Variants in USP26 observed in about 807,000 individuals in gnomAD.
The protein encoded by USP26 is ubiquitin specific peptidase 26, also known as ubiquitin carboxyl-terminal hydrolase 26.
For synonymous variants in USP26, 236 were observed against 240.6 expected, an observed-to-expected ratio of 0.98 and a Z score of 0.18; for missense variants, 649 against 642.3, an observed-to-expected ratio of 1.01 and a Z score of -0.11.
At chrX:133,081,718 C>T (rs1457141575) in intron 5 of USP26, among the ~76,000 whole-genome samples, 3 of 112,220 alleles carry the variant, frequency 2.7e-5, no homozygotes, top group African/African-American at 9.7e-5. Flanking sequence ...GTATTTAAAG[C>T]AACTGATACA....
intron 5 of USP26, among the ~76,000 whole-genome samples, chrX:133,047,012 A>C (rs905138675): frequency 8.9e-6 from 1 of 112,339 alleles, no homozygotes; most frequent in Non-Finnish European, 1.9e-5. Flanking sequence ...CAGAGCCAAG[A>C]AAACATGCTA....
intron 1 of USP26, among the ~76,000 whole-genome samples, chrX:133,095,639 C>G (rs959146735): frequency 1.8e-5 from 2 of 111,987 alleles, no homozygotes; most frequent in Non-Finnish European, 3.8e-5. Context: ...CTCGCTCTGT[C>G]GCCTAGGCTG....
intron 5 of USP26, among the ~76,000 whole-genome samples, chrX:133,042,875 C>T (rs915095717): frequency 9.0e-6 from 1 of 110,573 alleles, no homozygotes; most frequent in Non-Finnish European, 1.9e-5. Context: ...AGACCTGGAA[C>T]CAATTTTGAC....
intron 5 of USP26, among the ~76,000 whole-genome samples, chrX:133,049,524 C>T (rs779676123): frequency 8.9e-6 from 1 of 112,241 alleles, no homozygotes; most frequent in African/African-American, 3.2e-5. Context: ...ATCTTCTCAA[C>T]CTATAGATGC....
Position 133,026,055 on chromosome X carries a change from T to C in USP26, c.2166A>G (p.Glu722=), listed in dbSNP as rs1935801537. The change falls in exon 6 of 6, where the codon GAA becomes GAG. Residue 722 remains glutamate (E), a synonymous_variant. Transcript: ENST00000511190. ...RIINPTKDLY[E]DKNIRIPERF... is the part of the protein sequence containing the mutation. ...TTTCTGGAATTCTGATATTTTTATC[T>C]TCATACAAATCTTTAGTAGGATTGA... The C allele has an allele frequency of 8.3e-7, 1 of 1,209,792 alleles. No individual in the cohort carries two copies. The highest frequency in any genetic ancestry group is 1.1e-6 in the Non-Finnish European group (1 of 894,068).
Position 133,027,016 on chromosome X carries a change from T to G in USP26, c.1205A>C (p.Asn402Thr). 5 of 1,211,784 alleles carry G rather than the reference T, an allele frequency of 4.1e-6. No individual in the cohort carries two copies. The highest frequency in any genetic ancestry group is 2.3e-4 in the Middle Eastern group (1 of 4,356). ...DQLKDNMEKL[N>T]TIWKPKSEFG... Reference sequence around the variant, plus strand: ...TTCACTTTTAGGCTTCCAAATTGTGTTGAGTTTTTCCATGTTATCTTTCAG... The same window carrying G: ...TTCACTTTTAGGCTTCCAAATTGTGGTGAGTTTTTCCATGTTATCTTTCAG... The change falls in exon 6 of 6, where the codon AAC becomes ACC. Residue 402 changes from asparagine (N) to threonine (T), a missense_variant. Asn to Thr is a moderately conservative substitution (Grantham distance 65). Coordinates refer to ENST00000511190, the MANE Select transcript of USP26 (RefSeq NM_031907.3).
rs1479044155 is a variant in USP26 at position 133,091,429 on chromosome X, T to G, written c.-378A>C. 1 of 112,234 alleles carries G rather than the reference T, an allele frequency of 8.9e-6. No individual in the cohort carries two copies. Among genetic ancestry groups the G allele is most frequent in the African/African-American group, 3.2e-5 (1 of 30,880 alleles). 9.2% of individuals were successfully genotyped at this position (112,234 alleles called of 1,213,427 possible). On this transcript the variant is annotated 5_prime_UTR_variant, in exon 2 of 6. Transcript: ENST00000511190. ...TTCTACAATCCAGTCCAGTCCCTCC[T>G]GCTGCTGTCTCTTACTGGTTTTCCA...
intron 4 of USP26, among the ~76,000 whole-genome samples, chrX:133,086,326 G>A (rs966916543): frequency 9.0e-6 from 1 of 111,606 alleles, no homozygotes; most frequent in Non-Finnish European, 1.9e-5. Context: ...CCACCATCAC[G>A]GCTGGGAATG....
At chrX:133,037,025 G>A (rs768845987) in intron 5 of USP26, among the ~76,000 whole-genome samples, 1 of 111,837 alleles carries the variant, frequency 8.9e-6, no homozygotes, top group Non-Finnish European at 1.9e-5. Context: ...TGATGGGGTT[G>A]TTTTTTTCTT....
intron 5 of USP26, among the ~76,000 whole-genome samples, chrX:133,071,152 T>C (rs1488561210): frequency 9.0e-6 from 1 of 110,901 alleles, no homozygotes; most frequent in African/African-American, 3.3e-5. Context: ...AGGAGGCGGA[T>C]GTTGCAGTGA....
At chrX:133,037,804 C>T (rs749294741) in intron 5 of USP26, among the ~76,000 whole-genome samples, 1 of 111,893 alleles carries the variant, frequency 8.9e-6, no homozygotes, top group Non-Finnish European at 1.9e-5. Flanking sequence ...TATCCATGAA[C>T]ATGGAATTTT....
chrX:133,085,195 A>G (rs753109552), intron 4 of USP26, among the ~76,000 whole-genome samples: 86 of 112,045 alleles, frequency 7.7e-4, no homozygotes, highest in African/African-American at 2.7e-3. Flanking sequence ...TCAGCCTCCC[A>G]AAGTGTTGGG....
intron 5 of USP26, among the ~76,000 whole-genome samples, chrX:133,063,319 C>T (rs755563239): frequency 2.9e-4 from 32 of 111,305 alleles, no homozygotes; most frequent in Admixed American, 1.5e-3. Context: ...GATATTATCA[C>T]GGAAAACTTC....
chrX:133,054,557 C>T (rs1025896906), intron 5 of USP26, among the ~76,000 whole-genome samples: 4 of 111,421 alleles, frequency 3.6e-5, no homozygotes, highest in South Asian at 3.8e-4. Context: ...CTTAACAATT[C>T]GCTGGAATGC....
chrX:133,059,679 C>T (rs2067488484), intron 5 of USP26, among the ~76,000 whole-genome samples: 1 of 110,100 alleles, frequency 9.1e-6, no homozygotes, highest in South Asian at 4.0e-4. Context: ...CTTCTCTCCC[C>T]CTAAAGTTCT....
At chrX:133,065,522 T>C (rs915263896) in intron 5 of USP26, among the ~76,000 whole-genome samples, 1 of 111,830 alleles carries the variant, frequency 8.9e-6, no homozygotes, top group Non-Finnish European at 1.9e-5. Flanking sequence ...AAAAAGCTTA[T>C]CCACCATGAT....
At chrX:133,036,332 C>A (rs139388540) in intron 5 of USP26, among the ~76,000 whole-genome samples, 32 of 109,531 alleles carry the variant, frequency 2.9e-4, no homozygotes, top group African/African-American at 7.4e-4. Flanking sequence ...CCTTTCCCCC[C>A]ACCCACCAGC....
At chrX:133,072,329 C>T (rs2067533177) in intron 5 of USP26, among the ~76,000 whole-genome samples, 1 of 112,124 alleles carries the variant, frequency 8.9e-6, no homozygotes, top group Non-Finnish European at 1.9e-5. Context: ...GCATGCACGG[C>T]ACACGAAAAT....
At chrX:133,057,880 T>A (rs2067481454) in intron 5 of USP26, among the ~76,000 whole-genome samples, 2 of 26,524 alleles carry the variant, frequency 7.5e-5, no homozygotes, top group African/African-American at 1.4e-4. Context: ...TTTTTTTTTT[T>A]TTTTTTTTTT....
Sources: gnomAD v4.1 joint callset for allele counts (sites outside exome capture counted in the v4.1 genomes callset) on GRCh38, gnomAD v4.1.1 for gene constraint, MANE v1.5 for transcripts, NCBI Gene and HGNC (gene_info 2026-07-23, HGNC 2026-07-21) for gene names.